Variants in TEC observed in about 807,000 individuals in gnomAD.
TEC encodes the protein tec protein tyrosine kinase.
Under a neutral mutation model 93.0 loss-of-function variants are expected in TEC, and 72 were observed. That is an observed-to-expected ratio of 0.77 (90% CI 0.64 to 0.94). The LOEUF (loss-of-function observed/expected upper bound fraction) is 0.94, where lower values mean the gene tolerates loss of function less well. Ranked by LOEUF, TEC falls within the 40% of genes least tolerant of loss-of-function variation. The pLI, the probability that TEC is intolerant of heterozygous loss-of-function variation, is 0.00. For synonymous variants in TEC, 249 were observed against 247.7 expected (o/e 1.01, Z -0.05); for missense variants, 630 against 757.9 (o/e 0.83, Z 1.98).
At position 48,142,805 on chromosome 4, in the gene TEC, C is replaced by T. The variant is rs552476340; in HGVS notation, c.1471-1386G>A. On this transcript the variant is annotated intron_variant, in intron 14 of 17. Transcript: ENST00000381501. Reference sequence around the variant, plus strand: ...AAGTGATTCTTCTGCCTCAGCCTCCCGAGTAGCTGGGACTACAGGCGTCTG... The same window carrying T: ...AAGTGATTCTTCTGCCTCAGCCTCCTGAGTAGCTGGGACTACAGGCGTCTG... Among the ~76,000 whole-genome samples the T allele has an allele frequency of 2.1e-3, 314 of 152,124 alleles. 1 individual carries two copies. Among genetic ancestry groups the T allele is most frequent in the African/African-American group, 7.1e-3 (296 of 41,508 alleles).
At chr4:48,204,387 G>A (rs1722633369) in intron 2 of TEC, among the ~76,000 whole-genome samples, 1 of 152,146 alleles carries the variant, frequency 6.6e-6, no homozygotes, top group African/African-American at 2.4e-5. Flanking sequence ...CACTGATGGA[G>A]GTTTTAAGCC....
At chr4:48,167,686 C>T (rs956749300) in intron 7 of TEC, 92 bp downstream of exon 7, 4 of 1,203,620 alleles carry the variant, frequency 3.3e-6, no homozygotes, top group African/African-American at 3.0e-5. Context: ...AAATTAGTCT[C>T]ATTACACGAT....
At chr4:48,234,974 T>A (rs1192588669) in intron 1 of TEC, among the ~76,000 whole-genome samples, 4 of 152,092 alleles carry the variant, frequency 2.6e-5, no homozygotes, top group African/African-American at 9.6e-5. Context: ...AATTCATGAG[T>A]CAGGGTAGCC....
At chr4:48,223,736 T>C (rs912060414) in intron 2 of TEC, among the ~76,000 whole-genome samples, 14 of 152,220 alleles carry the variant, frequency 9.2e-5, no homozygotes, top group African/African-American at 2.7e-4. Context: ...ATCTGGGAAC[T>C]TGGACTTTGG....
chr4:48,154,128 C>T (rs936937989), intron 9 of TEC, among the ~76,000 whole-genome samples: 2 of 152,200 alleles, frequency 1.3e-5, no homozygotes, highest in African/African-American at 2.4e-5. Context: ...CTTATGAAAG[C>T]TGTAAGGTTT....
chr4:48,156,046 A>G (rs1241384578), intron 9 of TEC, among the ~76,000 whole-genome samples: 4 of 152,374 alleles, frequency 2.6e-5, no homozygotes, highest in Admixed American at 1.3e-4. Context: ...AGTTACTTGC[A>G]TAAGTTCAAT....
At chr4:48,153,810 C>T (rs1014060755) in intron 9 of TEC, among the ~76,000 whole-genome samples, 1 of 152,164 alleles carries the variant, frequency 6.6e-6, no homozygotes, top group Non-Finnish European at 1.5e-5. Flanking sequence ...CCCAGCCCTG[C>T]AGCAACGCCT....
intron 1 of TEC, among the ~76,000 whole-genome samples, chr4:48,261,043 C>A (rs532960772): frequency 2.2e-4 from 33 of 152,170 alleles, no homozygotes; most frequent in South Asian, 1.0e-3. Flanking sequence ...TGTCTGAGAA[C>A]CTCGGTGGCA....
intron 1 of TEC, among the ~76,000 whole-genome samples, chr4:48,252,203 GAATT>G (rs1170993226): frequency 1.3e-5 from 2 of 152,138 alleles, no homozygotes; most frequent in Non-Finnish European, 2.9e-5. Context: ...AGAGTTGTAA[GAATT>G]AAATAAGCAA....
chr4:48,141,459 T>G, intron 14 of TEC, 40 bp from the exon 15 acceptor site: 1 of 1,583,702 alleles, frequency 6.3e-7, no homozygotes, highest in Non-Finnish European at 8.7e-7. Flanking sequence ...GTTTAAAAAT[T>G]CTATCATTTA....
chr4:48,255,453 G>A (rs747587415), intron 1 of TEC, among the ~76,000 whole-genome samples: 1 of 152,182 alleles, frequency 6.6e-6, no homozygotes, highest in South Asian at 2.1e-4. Flanking sequence ...TCCCTGGGTA[G>A]TGTCAACTCC....
intron 7 of TEC, among the ~76,000 whole-genome samples, chr4:48,164,627 C>T (rs1720807619): frequency 6.6e-6 from 1 of 152,112 alleles, no homozygotes; most frequent in Non-Finnish European, 1.5e-5. Context: ...GAACGGCAAT[C>T]CAGCAGCAGT....
chr4:48,179,338 GTATATATATATATATATATATA>G (rs61241595), intron 2 of TEC, among the ~76,000 whole-genome samples: 13 of 51,660 alleles, frequency 2.5e-4, no homozygotes, highest in Non-Finnish European at 3.4e-4. Context: ...GACGTGGGTA[GTATATATATATATATATATATA>G]TATATATATA....
chr4:48,177,453 A>T (rs1577724443), intron 2 of TEC, among the ~76,000 whole-genome samples: 1 of 151,954 alleles, frequency 6.6e-6, no homozygotes, highest in African/African-American at 2.4e-5. Context: ...ATGTTCTGAA[A>T]CCCCAGCTCT....
intron 1 of TEC, among the ~76,000 whole-genome samples, chr4:48,237,742 C>T (rs1723824483): frequency 6.6e-6 from 1 of 152,184 alleles, no homozygotes; most frequent in African/African-American, 2.4e-5. Context: ...ATTATTAAAA[C>T]TTAGTTAAAG....
chr4:48,187,345 G>A (rs1721921347), intron 2 of TEC, among the ~76,000 whole-genome samples: 2 of 150,530 alleles, frequency 1.3e-5, no homozygotes, highest in Admixed American at 1.3e-4. Context: ...TTGTTCACAT[G>A]TTTATCTGCT....
rs533536428 is a variant in TEC at position 48,241,931 on chromosome 4, G to A, written c.-45-13272C>T. Among the ~76,000 whole-genome samples, 12 of 152,292 alleles carry A rather than the reference G, an allele frequency of 7.9e-5. 1 individual carries two copies. The South Asian group carries it at 2.3e-3, about 29-fold the overall frequency. The stretch of plus-strand genomic sequence containing the variant: ...CTGACATTTATTGCACAGTCATGAT[G>A]TATTAGGAACCATGCATGAGGCACT... On this transcript the variant is annotated intron_variant, in intron 1 of 17. Coordinates refer to ENST00000381501, the MANE Select transcript of TEC (RefSeq NM_003215.3).
intron 1 of TEC, among the ~76,000 whole-genome samples, chr4:48,269,287 T>C (rs1724720063): frequency 6.6e-6 from 1 of 152,264 alleles, no homozygotes; most frequent in Non-Finnish European, 1.5e-5. Context: ...GCTGCACCCA[T>C]TAACTTGTCA....
At chr4:48,182,079 T>A (rs1560395177) in intron 2 of TEC, among the ~76,000 whole-genome samples, 1 of 152,074 alleles carries the variant, frequency 6.6e-6, no homozygotes, top group Non-Finnish European at 1.5e-5. Flanking sequence ...GGTCAGAAGT[T>A]TGAGACCAGC....
Sources: allele counts gnomAD v4.1 joint callset (sites outside exome capture counted in the v4.1 genomes callset), GRCh38; gene constraint gnomAD v4.1.1; transcripts MANE v1.5; gene names NCBI Gene and HGNC (gene_info 2026-07-23, HGNC 2026-07-21).